UGT1A6: variants seen among roughly 807,000 people sequenced by gnomAD.
UGT1A6 encodes the protein UDP-glucuronosyltransferase 1A6.
A neutral mutation model predicts 44.4 loss-of-function variants in UGT1A6; 32 were observed. The observed-to-expected ratio is 0.72, with a 90% CI of 0.54 to 0.97. The LOEUF (loss-of-function observed/expected upper bound fraction) is 0.97, where lower values mean the gene tolerates loss of function less well. Ranked by LOEUF, UGT1A6 falls within the 50% of genes least tolerant of loss-of-function variation. The probability of loss-of-function intolerance (pLI) is 0.00; values close to 1 mark genes in which losing one functional copy is unlikely to be tolerated. For missense variants in UGT1A6, 685 were observed against 661.9 expected (o/e 1.03, Z -0.38); for synonymous variants, 238 against 248.5 (o/e 0.96, Z 0.40).
chr2:233,740,944 C>A (rs1030329888), intron 1 of UGT1A6: 6 of 151,278 alleles, frequency 4.0e-5, no homozygotes, highest in African/African-American at 1.5e-4. Flanking sequence ...TTTTAATTAG[C>A]TAGGTGTGGT....
chr2:233,746,259 AC>A (rs1176427332), intron 1 of UGT1A6, among the ~76,000 whole-genome samples: 1 of 151,746 alleles, frequency 6.6e-6, no homozygotes, highest in African/African-American at 2.4e-5. Context: ...GCAGAACAGA[AC>A]AAAACGCTGT....
At position 233,763,858 on chromosome 2, in the gene UGT1A6, C is replaced by T. The variant is rs577598991; in HGVS notation, c.862-3176C>T. ...GGGTAAGATAGCAGTGGTTCACAGA[C>T]AATCGCAATGCTGGGTCTGAGAAAA... On this transcript the variant is annotated intron_variant, in intron 1 of 4. Transcript: ENST00000305139. 5.1e-4 allele frequency among the ~76,000 whole-genome samples: 77 copies of T among 152,246 alleles called. 2 individuals carry two copies. The South Asian group carries it at 0.016, about 31-fold the overall frequency.
intron 1 of UGT1A6, among the ~76,000 whole-genome samples, chr2:233,706,502 G>A (rs2075911233): frequency 6.6e-6 from 1 of 152,232 alleles, no homozygotes; most frequent in Non-Finnish European, 1.5e-5. Context: ...AGGCTGGTGT[G>A]ATGCTGAGGA....
chr2:233,714,390 A>G (rs994854711), intron 1 of UGT1A6, among the ~76,000 whole-genome samples: 23 of 152,218 alleles, frequency 1.5e-4, no homozygotes, highest in Non-Finnish European at 2.6e-4. Context: ...AATTGGGCCA[A>G]TGTAGGTGCA....
intron 1 of UGT1A6, among the ~76,000 whole-genome samples, chr2:233,733,368 G>A (rs1157903403): frequency 6.6e-6 from 1 of 152,148 alleles, no homozygotes; most frequent in African/African-American, 2.4e-5. Context: ...GGTGAGAGAG[G>A]TCATCCTTGT....
chr2:233,721,002 A>G (rs1257155820), intron 1 of UGT1A6, among the ~76,000 whole-genome samples: 2 of 152,002 alleles, frequency 1.3e-5, no homozygotes, highest in African/African-American at 2.4e-5. Context: ...AGAGCCACCA[A>G]GCCCAGTGAG....
chr2:233,762,837 TAGGC>T (rs1698177979), intron 1 of UGT1A6, among the ~76,000 whole-genome samples: 1 of 152,150 alleles, frequency 6.6e-6, no homozygotes, highest in South Asian at 2.1e-4. Context: ...TAAAAAATAA[TAGGC>T]AGTCATTTGC....
chr2:233,747,386 G>C, intron 1 of UGT1A6: 1 of 1,605,212 alleles, frequency 6.2e-7, no homozygotes, highest in Middle Eastern at 1.7e-4. Context: ...GCCACCAGGC[G>C]GTGGTCCTCA....
chr2:233,738,576 G>A (rs1326024752), intron 1 of UGT1A6, among the ~76,000 whole-genome samples: 1 of 152,168 alleles, frequency 6.6e-6, no homozygotes, highest in Non-Finnish European at 1.5e-5. Context: ...TTGAGAACTG[G>A]AGCAAAGGTC....
At chr2:233,749,926 G>T (rs946076967) in intron 1 of UGT1A6, among the ~76,000 whole-genome samples, 1 of 151,912 alleles carries the variant, frequency 6.6e-6, no homozygotes, top group African/African-American at 2.4e-5. Flanking sequence ...GTCAATTAAA[G>T]CTCTTTCCTT....
intron 1 of UGT1A6, chr2:233,747,628 G>A (rs767343717): frequency 1.6e-4 from 253 of 1,579,014 alleles, no homozygotes; most frequent in Non-Finnish European, 2.0e-4. Flanking sequence ...GCCCTGATCA[G>A]GCACCTGAAT....
chr2:233,772,072 C>T (rs1304190129), intron 4 of UGT1A6, among the ~76,000 whole-genome samples, 190 bp from the exon 5 acceptor site: 2 of 152,100 alleles, frequency 1.3e-5, no homozygotes, highest in Non-Finnish European at 2.9e-5. Flanking sequence ...ATGCTTGTGC[C>T]ACTACACTCC....
intron 1 of UGT1A6, among the ~76,000 whole-genome samples, chr2:233,746,488 T>C (rs978125229): frequency 6.6e-6 from 1 of 151,814 alleles, no homozygotes; most frequent in Non-Finnish European, 1.5e-5. Context: ...TCCATGGACA[T>C]GTCACTCTTT....
At chr2:233,741,101 A>C (rs559824040) in intron 1 of UGT1A6, among the ~76,000 whole-genome samples, 9 of 151,948 alleles carry the variant, frequency 5.9e-5, no homozygotes, top group Non-Finnish European at 8.8e-5. Context: ...GCAAACAGAC[A>C]ATCAAGCTTT....
At chr2:233,719,992 A>G (rs1452889114) in intron 1 of UGT1A6, among the ~76,000 whole-genome samples, 2 of 152,184 alleles carry the variant, frequency 1.3e-5, no homozygotes, top group African/African-American at 4.8e-5. Flanking sequence ...GATCAGGGAC[A>G]CTACATTCAG....
intron 1 of UGT1A6, among the ~76,000 whole-genome samples, chr2:233,763,201 A>G (rs1698260183): frequency 6.6e-6 from 1 of 152,250 alleles, no homozygotes; most frequent in South Asian, 2.1e-4. Flanking sequence ...TGTTTGGTGC[A>G]GTCAGGCTTA....
chr2:233,755,793 G>T (rs1244262397), intron 1 of UGT1A6: 1 of 152,190 alleles, frequency 6.6e-6, no homozygotes, highest in African/African-American at 2.4e-5. Flanking sequence ...CATATGTACT[G>T]CATTAGAGAT....
chr2:233,760,416 GCTTGGGGC>G, intron 1 of UGT1A6: 1 of 1,614,218 alleles, frequency 6.2e-7, no homozygotes, highest in Non-Finnish European at 8.5e-7. Flanking sequence ...GGCTGAGCAT[GCTTGGGGC>G]CATCCAGCAG....
intron 1 of UGT1A6, among the ~76,000 whole-genome samples, chr2:233,766,404 G>A (rs990056235): frequency 5.3e-5 from 8 of 152,282 alleles, no homozygotes; most frequent in Non-Finnish European, 1.0e-4. Context: ...GCGTCCCTCC[G>A]CTGATGTGCT....
Sources: gnomAD v4.1 joint callset for allele counts (sites outside exome capture counted in the v4.1 genomes callset) on GRCh38, gnomAD v4.1.1 for gene constraint, MANE v1.5 for transcripts, NCBI Gene and HGNC (gene_info 2026-07-23, HGNC 2026-07-21) for gene names.